MIB1: variants seen among roughly 807,000 people sequenced by gnomAD.
MIB1 encodes E3 ubiquitin-protein ligase MIB1.
A neutral mutation model predicts 124.5 loss-of-function variants in MIB1; 278 were observed. The observed-to-expected ratio is 2.23, with a 90% CI of 2.02 to 2.47. MIB1 has a LOEUF of 2.47. Ranked by LOEUF, MIB1 falls within the 30% of genes most tolerant of loss-of-function variation. The pLI, the probability that MIB1 is intolerant of heterozygous loss-of-function variation, is 0.00. For synonymous variants in MIB1, 446 were observed against 429.4 expected (o/e 1.04, Z -0.48); for missense variants, 957 against 1,254.4 (o/e 0.76, Z 3.58).
intron 6 of MIB1, among the ~76,000 whole-genome samples, chr18:21,788,488 T>C (rs1258648641): frequency 6.6e-6 from 1 of 152,208 alleles, no homozygotes; most frequent in Non-Finnish European, 1.5e-5. Flanking sequence ...AAAGGACATC[T>C]ATGAAAAACC....
intron 12 of MIB1, among the ~76,000 whole-genome samples, chr18:21,821,435 G>C (rs1032326216): frequency 3.3e-5 from 5 of 152,170 alleles, no homozygotes; most frequent in African/African-American, 1.2e-4. Flanking sequence ...AAAATATGCT[G>C]TCTGCTTTCT....
chr18:21,757,891 C>T (rs569903165), intron 1 of MIB1, among the ~76,000 whole-genome samples: 1 of 151,970 alleles, frequency 6.6e-6, no homozygotes, highest in East Asian at 1.9e-4. Flanking sequence ...AACATGATGC[C>T]CTAGATACGT....
chr18:21,784,949 C>T (rs1333283334), intron 6 of MIB1, among the ~76,000 whole-genome samples: 1 of 152,212 alleles, frequency 6.6e-6, no homozygotes, highest in Non-Finnish European at 1.5e-5. Context: ...TCAGTGGTCA[C>T]GTTCCTGGTC....
At chr18:21,846,634 T>C (rs2042136682) in intron 15 of MIB1, among the ~76,000 whole-genome samples, 1 of 152,218 alleles carries the variant, frequency 6.6e-6, no homozygotes, top group Non-Finnish European at 1.5e-5. Flanking sequence ...TTTTGAGTTC[T>C]GTTGGGCTTA....
At chr18:21,718,917 A>G (rs1194123994) in intron 1 of MIB1, among the ~76,000 whole-genome samples, 26 of 152,132 alleles carry the variant, frequency 1.7e-4, no homozygotes, top group Admixed American at 1.6e-3. Flanking sequence ...TTAGCCAGGC[A>G]TGGCTGGGTG....
chr18:21,761,999 A>G (rs1346758191), intron 1 of MIB1, among the ~76,000 whole-genome samples: 1 of 152,086 alleles, frequency 6.6e-6, no homozygotes, highest in Non-Finnish European at 1.5e-5. Context: ...GGACTTTCAC[A>G]TTTTGTTCTG....
intron 6 of MIB1, among the ~76,000 whole-genome samples, chr18:21,790,069 A>G (rs2041484726): frequency 6.6e-6 from 1 of 152,212 alleles, no homozygotes; most frequent in Non-Finnish European, 1.5e-5. Context: ...ATCAGCATTC[A>G]AATTAGTTTG....
At chr18:21,770,422 A>T (rs2041211756) in intron 3 of MIB1, among the ~76,000 whole-genome samples, 1 of 152,012 alleles carries the variant, frequency 6.6e-6, no homozygotes, top group Admixed American at 6.6e-5. Flanking sequence ...TCAGTGCTGG[A>T]TGCTTTATCC....
In MIB1 at chr18:21,710,125, CT is replaced by C. The variant is rs879714963; in HGVS notation, n.167+5015del. Among the ~76,000 whole-genome samples the C allele has an allele frequency of 4.3e-3, 629 of 144,962 alleles. 1 individual carries two copies. The highest frequency in any genetic ancestry group is 0.012 in the South Asian group (54 of 4,588). ...AATTTTTGTAAACTAATGAAATTCT[CT>C]TTTTTTTTTTTTGAGATGGAATCTC... On this transcript the variant is annotated intron_variant and non_coding_transcript_variant, in intron 1 of 20. Coordinates refer to the MIB1 transcript ENST00000578646.
chr18:21,846,879 A>G (rs143118100), intron 15 of MIB1, 65 bp from the exon 16 acceptor site: 45 of 1,464,204 alleles, frequency 3.1e-5, no homozygotes, highest in African/African-American at 2.1e-4. Context: ...ACATACATAT[A>G]TATGATGACA....
In MIB1 at chr18:21,849,394, A is replaced by T. The variant is rs2042163142; in HGVS notation, c.2586+6A>T. 6 of 1,502,748 alleles carry T rather than the reference A, an allele frequency of 4.0e-6. No individual in the cohort carries two copies. In the East Asian group the frequency reaches 1.2e-4, roughly 29 times the overall value. 93.1% of individuals were successfully genotyped at this position (1,502,748 alleles called of 1,614,324 possible). A position where few individuals can be genotyped will look rare whatever the true frequency, so the allele number is the denominator to read the frequency against. The stretch of plus-strand genomic sequence containing the variant: ...AGGTTCAATCCAGGACAAAGGTAAG[A>T]TATATTTAATATAGTATTTTGTCAT... On this transcript the variant is annotated splice_donor_region_variant and intron_variant, in intron 17 of 20. Coordinates refer to ENST00000261537, the MANE Select transcript of MIB1 (RefSeq NM_020774.4).
At chr18:21,815,011 T>TTATACA (rs2041812580) in intron 10 of MIB1, among the ~76,000 whole-genome samples, 1 of 52,644 alleles carries the variant, frequency 1.9e-5, no homozygotes, top group Admixed American at 2.3e-4. Flanking sequence ...GCTGTTGGTT[T>TTATACA]TATATATATA....
At chr18:21,807,694 A>T (rs2041724331) in intron 10 of MIB1, among the ~76,000 whole-genome samples, 1 of 152,184 alleles carries the variant, frequency 6.6e-6, no homozygotes, top group South Asian at 2.1e-4. Context: ...TACAGAGCTC[A>T]GGACAGCTCT....
In MIB1 at chr18:21,740,933, G is replaced by A. The variant is rs2040841172; in HGVS notation, c.-651G>A. Among the ~76,000 whole-genome samples the A allele has an allele frequency of 6.6e-6, 1 of 152,240 alleles. No homozygotes were observed. On this transcript the variant is annotated 5_prime_UTR_variant, in exon 1 of 21. Coordinates refer to ENST00000261537, the MANE Select transcript of MIB1 (RefSeq NM_020774.4). The stretch of plus-strand genomic sequence containing the variant: ...TCTGAGAAGGTGCCGCTCCGGCCTT[G>A]GGTACGGCGGTACCCGGATGTGGAG...
chr18:21,798,299 T>C (rs2041609455), intron 8 of MIB1, 71 bp downstream of exon 8: 1 of 1,441,434 alleles, frequency 6.9e-7, no homozygotes. Flanking sequence ...TCCCCAGTTC[T>C]CATATACAGA....
chr18:21,798,306 C>A, intron 8 of MIB1, 78 bp downstream of exon 8: 1 of 1,391,748 alleles, frequency 7.2e-7, no homozygotes, highest in Non-Finnish European at 1.0e-6. Context: ...TTCTCATATA[C>A]AGATAATGTT....
Position 21,741,617 on chromosome 18 carries a change from GA to G in MIB1, c.36del (p.Val14LeufsTer5). On this transcript the variant is annotated frameshift_variant, in exon 1 of 21. Coordinates refer to ENST00000261537, the MANE Select transcript of MIB1 (RefSeq NM_020774.4). LOFTEE classifies it high-confidence loss of function. This position sits in a 1 kb window ranked among gnomAD's most constrained non-coding sequence, Gnocchi z 5.4. ...SNSRNNRVMV[E>X]GVGARVVRGP... is the part of the protein sequence containing the mutation. ...CTCCCGGAATAACCGGGTGATGGTG[GA>G]AGGGGTTGGCGCTCGGGTAGTGCGC... 1 of 1,600,360 alleles carries G rather than the reference GA, an allele frequency of 6.2e-7. No homozygotes were observed. Among genetic ancestry groups the G allele is most frequent in the Non-Finnish European group, 8.5e-7 (1 of 1,174,996 alleles).
Position 21,803,299 on chromosome 18 carries a change from G to A in MIB1, c.1372-608G>A, listed in dbSNP as rs75531450. The stretch of plus-strand genomic sequence containing the variant: ...ATTTTGTGGATGGGATGTAAAAGGG[G>A]TAGAATTAAAGAATTGCACTTGGCC... On this transcript the variant is annotated intron_variant, in intron 9 of 20. Transcript: ENST00000261537. 7.6e-3 allele frequency among the ~76,000 whole-genome samples: 1,150 copies of A among 152,224 alleles called. 12 individuals are homozygous for A. Among genetic ancestry groups the A allele is most frequent in the African/African-American group, 0.022 (899 of 41,518 alleles).
At chr18:21,742,520 T>C (rs761740211) in intron 1 of MIB1, among the ~76,000 whole-genome samples, 1 of 152,160 alleles carries the variant, frequency 6.6e-6, no homozygotes, top group Non-Finnish European at 1.5e-5. Flanking sequence ...TCCGTCTCAG[T>C]AAGGTGATGT....
Sources: allele counts gnomAD v4.1 joint callset (sites outside exome capture counted in the v4.1 genomes callset), GRCh38; gene constraint gnomAD v4.1.1; non-coding constraint Gnocchi (gnomAD v3.1); transcripts MANE v1.5; gene names NCBI Gene and HGNC (gene_info 2026-07-23, HGNC 2026-07-21).